DYNC2I1: variants seen among roughly 807,000 people sequenced by gnomAD.
DYNC2I1 encodes dynein 2 intermediate chain 1, also known as cytoplasmic dynein 2 intermediate chain 1.
A neutral mutation model predicts 133.4 loss-of-function variants in DYNC2I1; 89 were observed. That is an observed-to-expected ratio of 0.67 (90% CI 0.56 to 0.80). The LOEUF is 0.80. Ranked by LOEUF, DYNC2I1 falls within the 30% of genes least tolerant of loss-of-function variation. DYNC2I1 has a pLI of 0.00. For missense variants in DYNC2I1, 1,291 were observed against 1,314.5 expected (o/e 0.98, Z 0.28); for synonymous variants, 504 against 484.3 (o/e 1.04, Z -0.54).
At chr7:158,845,663 T>C in the DYNC2I1 span, among the ~76,000 whole-genome samples, 1 of 152,228 alleles carries the variant, frequency 6.6e-6, no homozygotes, top group Non-Finnish European at 1.5e-5. Context: ...CTTAGGTAAA[T>C]GCCTGCAATT....
chr7:158,877,178 G>A (rs967017254), intron 4 of DYNC2I1, among the ~76,000 whole-genome samples: 4 of 152,112 alleles, frequency 2.6e-5, no homozygotes, highest in Admixed American at 1.3e-4. Flanking sequence ...AGGCACCTGC[G>A]GTTCCGGATT....
intron 17 of DYNC2I1, among the ~76,000 whole-genome samples, chr7:158,925,461 G>C (rs1455234798): frequency 6.6e-6 from 1 of 151,994 alleles, no homozygotes; most frequent in Non-Finnish European, 1.5e-5. Context: ...TCTGCCTTTT[G>C]CTTGTTTTTA....
rs1283570334 is a variant in DYNC2I1 at position 158,856,631 on chromosome 7, T to G, written c.-105T>G. On this transcript the variant is annotated 5_prime_UTR_variant, in exon 1 of 25. Transcript: ENST00000407559. The stretch of plus-strand genomic sequence containing the variant: ...CTCCTGCTTGTCGGTTGCTAGGCGC[T>G]GGGACGCGCCTCCCGAAGGGTGCGG... The G allele has an allele frequency of 1.7e-6, 2 of 1,159,648 alleles. No individual in the cohort carries two copies. The highest frequency in any genetic ancestry group is 3.2e-5 in the African/African-American group (2 of 62,964). 71.8% of individuals were successfully genotyped at this position (1,159,648 alleles called of 1,614,324 possible).
chr7:158,904,943 G>A, intron 10 of DYNC2I1: 1 of 267,560 alleles, frequency 3.7e-6, no homozygotes, highest in Non-Finnish European at 7.4e-6. Context: ...AGACGGGAGG[G>A]CAAGTGCAAA....
At chr7:158,863,869 G>T (rs28410687) in intron 1 of DYNC2I1, among the ~76,000 whole-genome samples, 3,203 of 127,720 alleles carry the variant, frequency 0.025, 237 homozygotes, top group African/African-American at 0.096. Context: ...GGTGTTGGAG[G>T]GGGGAGCGGG....
upstream of DYNC2I1, among the ~76,000 whole-genome samples, chr7:158,853,626 C>T (rs745544707): frequency 6.0e-5 from 9 of 151,150 alleles, no homozygotes; most frequent in African/African-American, 1.2e-4. Context: ...ATTTAATTCA[C>T]GCAGAGCCGG....
chr7:158,917,970 C>T (rs1848645874), intron 14 of DYNC2I1, among the ~76,000 whole-genome samples: 1 of 152,176 alleles, frequency 6.6e-6, no homozygotes, highest in Non-Finnish European at 1.5e-5. Context: ...TCTCTGCCTT[C>T]CTCACTCCCA....
At chr7:158,869,466 C>A (rs1419916414) in intron 1 of DYNC2I1, 4 of 472,406 alleles carry the variant, frequency 8.5e-6, no homozygotes, top group Non-Finnish European at 1.8e-5. Context: ...GCACAGACTC[C>A]CTCTGTGTGC....
rs1390383691 is a variant in DYNC2I1, at chr7:158,934,489, TATAAG to T, written c.2720_2724del (p.Ile907ThrfsTer5). ...AACTATTCAAACCTCAGCAACATGGTATAAGACCAGTGAAAGTTAATGTCATTGAT... is the reference window on the plus strand; with the variant it reads ...AACTATTCAAACCTCAGCAACATGGTACCAGTGAAAGTTAATGTCATTGAT... On this transcript the variant is annotated frameshift_variant, in exon 23 of 25. Transcript: ENST00000407559. LOFTEE classifies it high-confidence loss of function. The T allele has an allele frequency of 6.3e-7, 1 of 1,578,036 alleles. No homozygotes were observed. The highest frequency in any genetic ancestry group is 8.6e-7 in the Non-Finnish European group (1 of 1,160,928).
chr7:158,919,371 C>T (rs1351393866), intron 15 of DYNC2I1, among the ~76,000 whole-genome samples: 1 of 152,162 alleles, frequency 6.6e-6, no homozygotes, highest in Non-Finnish European at 1.5e-5. Context: ...AAGCAAAGCC[C>T]AGGATCTCAA....
At position 158,871,592 on chromosome 7, in the gene DYNC2I1, C is replaced by T. The variant is rs189128435; in HGVS notation, c.490+30C>T. Reference sequence around the variant, plus strand: ...GTCCCCGCTTGCCTTCCTGTGGTTCCACCCGAGGTGCCGCGTCGCTGCTGG... The same window carrying T: ...GTCCCCGCTTGCCTTCCTGTGGTTCTACCCGAGGTGCCGCGTCGCTGCTGG... On this transcript the variant is annotated intron_variant, in intron 3 of 24. Transcript: ENST00000407559. 6 of 1,497,770 alleles carry T rather than the reference C, an allele frequency of 4.0e-6. No homozygotes were observed. In the East Asian group the frequency reaches 9.8e-5, roughly 25 times the overall value. The allele number at this position is 1,497,770 out of a possible 1,614,324, so 92.8% of individuals were successfully genotyped here.
chr7:158,909,330 CAAAAAA>C (rs66565045), intron 11 of DYNC2I1, among the ~76,000 whole-genome samples: 1 of 46,728 alleles, frequency 2.1e-5, no homozygotes, highest in African/African-American at 6.4e-5. Flanking sequence ...GACTCTGTCT[CAAAAAA>C]AAAAAAAAAA....
chr7:158,925,824 C>T (rs1849554541), intron 17 of DYNC2I1, among the ~76,000 whole-genome samples: 1 of 152,200 alleles, frequency 6.6e-6, no homozygotes, highest in South Asian at 2.1e-4. Context: ...AGCTCCTTCC[C>T]CTCAGTTGTT....
At chr7:158,921,999 G>GC (rs1849148503) in intron 15 of DYNC2I1, among the ~76,000 whole-genome samples, 1 of 152,230 alleles carries the variant, frequency 6.6e-6, no homozygotes, top group Non-Finnish European at 1.5e-5. Context: ...CAGTGCTGAA[G>GC]CCCCTGCAGC....
chr7:158,878,555 GTGTCGGGCGCCA>G (rs1417780547), intron 4 of DYNC2I1, among the ~76,000 whole-genome samples: 1 of 140,124 alleles, frequency 7.1e-6, no homozygotes, highest in Non-Finnish European at 1.5e-5. Flanking sequence ...CCGACTGTGA[GTGTCGGGCGCCA>G]TGTGGGGAGG....
At chr7:158,900,189 T>G (rs1846108848) in intron 8 of DYNC2I1, among the ~76,000 whole-genome samples, 1 of 151,636 alleles carries the variant, frequency 6.6e-6, no homozygotes, top group Non-Finnish European at 1.5e-5. Flanking sequence ...TGGTGCGATC[T>G]CAGCTCGCTG....
At chr7:158,934,071 C>A in intron 21 of DYNC2I1, 58 bp from the exon 22 acceptor site, 1 of 1,202,512 alleles carries the variant, frequency 8.3e-7, no homozygotes, top group Non-Finnish European at 1.2e-6. Context: ...TTAATACCAT[C>A]ATTATTCTTA....
intron 8 of DYNC2I1, among the ~76,000 whole-genome samples, chr7:158,898,368 A>G (rs893901402): frequency 1.3e-5 from 2 of 152,266 alleles, no homozygotes; most frequent in South Asian, 2.1e-4. Flanking sequence ...GGATTCATCT[A>G]TTTCTTCTTG....
At chr7:158,901,521 A>G (rs895898542) in intron 8 of DYNC2I1, among the ~76,000 whole-genome samples, 1 of 152,216 alleles carries the variant, frequency 6.6e-6, no homozygotes, top group African/African-American at 2.4e-5. Context: ...AGGTTTCCCA[A>G]AAAGGATGTT....
Sources: gnomAD v4.1 joint callset for allele counts (sites outside exome capture counted in the v4.1 genomes callset) on GRCh38, gnomAD v4.1.1 for gene constraint, MANE v1.5 for transcripts, NCBI Gene and HGNC (gene_info 2026-07-23, HGNC 2026-07-21) for gene names.